TRAF3IP3: variants seen among roughly 807,000 people sequenced by gnomAD.
TRAF3IP3 encodes the protein TRAF3 interacting protein 3.
In TRAF3IP3, 64 loss-of-function variants were observed where a neutral mutation model predicts 86.5. That is an observed-to-expected ratio of 0.74 (90% CI 0.60 to 0.91). The LOEUF is 0.91. Ranked by LOEUF, TRAF3IP3 falls within the 40% of genes least tolerant of loss-of-function variation. The pLI is 0.00. For missense variants in TRAF3IP3, 579 were observed against 642.9 expected (o/e 0.90, Z 1.07); for synonymous variants, 220 against 243.9 (o/e 0.90, Z 0.91).
At chr1:209,765,282 GAAGGAAGAAATT>G (rs1170493892) in intron 8 of TRAF3IP3, among the ~76,000 whole-genome samples, 1 of 95,450 alleles carries the variant, frequency 1.0e-5, no homozygotes, top group African/African-American at 3.6e-5. Context: ...AGGAAGGAAG[GAAGGAAGAAATT>G]AAGATAGAAA....
intron 3 of TRAF3IP3, among the ~76,000 whole-genome samples, chr1:209,760,658 C>A (rs958682999): frequency 6.6e-6 from 1 of 152,174 alleles, no homozygotes; most frequent in African/African-American, 2.4e-5. Context: ...TCAGGCTGGG[C>A]ATGTTGGCTT....
chr1:209,773,891 G>T (rs1363783975), intron 9 of TRAF3IP3, among the ~76,000 whole-genome samples: 1 of 152,200 alleles, frequency 6.6e-6, no homozygotes, highest in African/African-American at 2.4e-5. Context: ...CAGCATGGAT[G>T]GTCATTGGAT....
chr1:209,777,000 G>C (rs1315893683), intron 11 of TRAF3IP3: 6 of 161,794 alleles, frequency 3.7e-5, no homozygotes, highest in Non-Finnish European at 4.0e-5. Context: ...GCTAAGATGG[G>C]AGGATTGCTT....
chr1:209,771,137 G>A (rs577991686), intron 8 of TRAF3IP3, among the ~76,000 whole-genome samples: 27 of 143,782 alleles, frequency 1.9e-4, no homozygotes, highest in Admixed American at 6.2e-4. Context: ...TGTGCATATG[G>A]ATGTGTGTGC....
In TRAF3IP3 at chr1:209,759,021, T is replaced by G. The variant is rs766370263; in HGVS notation, c.-159-13T>G. On this transcript the variant is annotated splice_polypyrimidine_tract_variant and intron_variant, in intron 1 of 16. Coordinates refer to ENST00000367025, the MANE Select transcript of TRAF3IP3 (RefSeq NM_025228.4). ...TGATTACTGTCTTTGTTTTGTTTCT[T>G]TTCTGTTTGCAGCAGCCTTATTGAG... The G allele has an allele frequency of 6.6e-6, 1 of 152,362 alleles. No individual in the cohort carries two copies. The highest frequency in any genetic ancestry group is 2.4e-5 in the African/African-American group (1 of 41,446). The allele number at this position is 152,362 out of a possible 1,614,324, so 9.4% of individuals were successfully genotyped here.
chr1:209,777,645 A>G (rs1571961246), intron 12 of TRAF3IP3, 158 bp downstream of exon 12: 2 of 763,892 alleles, frequency 2.6e-6, no homozygotes, highest in Middle Eastern at 3.8e-4. Context: ...GAGAGGCAGG[A>G]CTGTTTTAAT....
At chr1:209,766,569 A>G (rs1485827151) in intron 8 of TRAF3IP3, among the ~76,000 whole-genome samples, 1 of 152,248 alleles carries the variant, frequency 6.6e-6, no homozygotes, top group East Asian at 1.9e-4. Flanking sequence ...AAGGCTTTAA[A>G]GGAAGGAAAC....
At chr1:209,779,445 A>G in intron 14 of TRAF3IP3, 71 bp downstream of exon 14, 2 of 1,355,190 alleles carry the variant, frequency 1.5e-6, no homozygotes, top group Non-Finnish European at 2.1e-6. Context: ...AGCGGGATGG[A>G]CTACATGACC....
At position 209,759,126 on chromosome 1, in the gene TRAF3IP3, C is replaced by A. The variant is rs2077201815; in HGVS notation, c.-67C>A. 1 of 152,252 alleles carries A rather than the reference C, an allele frequency of 6.6e-6. No homozygotes were observed. Among genetic ancestry groups the A allele is most frequent in the Admixed American group, 6.5e-5 (1 of 15,278 alleles). The allele number at this position is 152,252 out of a possible 1,614,324, so 9.4% of individuals were successfully genotyped here. The stretch of plus-strand genomic sequence containing the variant: ...AAAGCAGACTTGGCACCAACATTAA[C>A]CCTGACAGGTTGGTAATCCTAAAGA... On this transcript the variant is annotated 5_prime_UTR_variant, in exon 2 of 17. Coordinates refer to ENST00000367025, the MANE Select transcript of TRAF3IP3 (RefSeq NM_025228.4).
At chr1:209,778,608 G>A (rs1415139637) in intron 13 of TRAF3IP3, 1 of 158,430 alleles carries the variant, frequency 6.3e-6, no homozygotes, top group African/African-American at 2.4e-5. Context: ...GGACTTCTCA[G>A]AAGAAAAGCA....
chr1:209,775,822 C>T, intron 11 of TRAF3IP3, 86 bp downstream of exon 11: 9 of 1,334,740 alleles, frequency 6.7e-6, no homozygotes, highest in Admixed American at 4.9e-5. Flanking sequence ...TTAGGGACTC[C>T]AAAGGCAGCT....
intron 8 of TRAF3IP3, among the ~76,000 whole-genome samples, chr1:209,770,037 G>A (rs2077433403): frequency 6.6e-6 from 1 of 152,212 alleles, no homozygotes; most frequent in Non-Finnish European, 1.5e-5. Context: ...TGGCAGGGAA[G>A]CTGTAGCTAC....
chr1:209,779,214 G>A, intron 13 of TRAF3IP3, 101 bp from the exon 14 acceptor site: 1 of 892,048 alleles, frequency 1.1e-6, no homozygotes, highest in Non-Finnish European at 1.8e-6. Flanking sequence ...CACAGCAGAT[G>A]GGAACATATT....
chr1:209,762,962 G>T, intron 5 of TRAF3IP3, 92 bp downstream of exon 5: 1 of 1,601,092 alleles, frequency 6.2e-7, no homozygotes, highest in Non-Finnish European at 8.6e-7. Context: ...TTAAGAAAGA[G>T]GAAGCCCTTC....
chr1:209,764,126 A>G (rs555696677), intron 8 of TRAF3IP3, among the ~76,000 whole-genome samples: 152 of 152,294 alleles, frequency 1.0e-3, no homozygotes, highest in African/African-American at 3.6e-3. Context: ...TGCAACTAAA[A>G]TTCAGGCCTT....
rs1364132359 is a variant in TRAF3IP3 at position 209,760,147 on chromosome 1, T to C, written c.108T>C (p.Arg36=). Residue 36 remains arginine, a synonymous_variant, in exon 3 of 17, where the codon CGT becomes CGC. Coordinates refer to ENST00000367025, the MANE Select transcript of TRAF3IP3 (RefSeq NM_025228.4). The part of the protein sequence containing the change: ...RQEIRESRRC[R]PNVTTCRQVG... Reference sequence around the variant, plus strand: ...AGATCCGTGAAAGCCGCCGCTGCCGTCCCAATGTGACCACTTGCCGCCAGG... The same window carrying C: ...AGATCCGTGAAAGCCGCCGCTGCCGCCCCAATGTGACCACTTGCCGCCAGG... 6.2e-7 allele frequency: 1 copy of C among 1,614,186 alleles called. No homozygotes were observed. The highest frequency in any genetic ancestry group is 2.2e-5 in the East Asian group (1 of 44,878).
At position 209,764,790 on chromosome 1, in the gene TRAF3IP3, T is replaced by C. The variant is rs536768461; in HGVS notation, c.702+1203T>C. 3.3e-5 allele frequency among the ~76,000 whole-genome samples: 5 copies of C among 150,212 alleles called. No individual in the cohort carries two copies. In the South Asian group the frequency reaches 6.3e-4, roughly 19 times the overall value. On this transcript the variant is annotated intron_variant, in intron 8 of 16. Coordinates refer to ENST00000367025, the MANE Select transcript of TRAF3IP3 (RefSeq NM_025228.4). ...AAAGGCATGACACAGTCTAGTAAAA[T>C]GGTTCTCCAATTTTTTTATTTCAGG...
At chr1:209,776,479 G>A (rs555824306) in intron 11 of TRAF3IP3, 1 of 152,314 alleles carries the variant, frequency 6.6e-6, no homozygotes, top group Non-Finnish European at 1.5e-5. Flanking sequence ...CTTGATAAGA[G>A]ACAGAGTATG....
At chr1:209,780,410 C>G in intron 14 of TRAF3IP3, 60 bp from the exon 15 acceptor site, 1 of 1,427,034 alleles carries the variant, frequency 7.0e-7, no homozygotes, top group Non-Finnish European at 9.3e-7. Flanking sequence ...GTTTCACCCT[C>G]AGGGCCCTTC....
Sources: allele counts gnomAD v4.1 joint callset (sites outside exome capture counted in the v4.1 genomes callset), GRCh38; gene constraint gnomAD v4.1.1; transcripts MANE v1.5; gene names NCBI Gene and HGNC (gene_info 2026-07-23, HGNC 2026-07-21).